POLN: variants seen among roughly 807,000 people sequenced by gnomAD.
POLN encodes the protein DNA polymerase nu.
In POLN, 108 loss-of-function variants were observed where a neutral mutation model predicts 113.5. The ratio of observed to expected loss-of-function variants is 0.95; its 90% confidence interval spans 0.81 to 1.12. POLN has a LOEUF of 1.12. Among genes scored for constraint, POLN ranks in the 50% most tolerant of loss-of-function variants. The pLI is 0.00. For missense variants in POLN, 1,097 were observed against 1,077.1 expected (o/e 1.02, Z -0.26); for synonymous variants, 386 against 391.5 (o/e 0.99, Z 0.17).
intron 7 of POLN, among the ~76,000 whole-genome samples, chr4:2,187,844 C>T (rs142266608): frequency 3.2e-4 from 48 of 152,288 alleles, no homozygotes; most frequent in African/African-American, 1.1e-3. Context: ...GGCTTGGTGG[C>T]TGACACCTGT....
intron 5 of POLN, among the ~76,000 whole-genome samples, chr4:2,201,303 A>AC (rs1733709070): frequency 1.4e-5 from 2 of 142,766 alleles, no homozygotes; most frequent in South Asian, 2.2e-4. Context: ...AAAAAAAAAA[A>AC]CGAGGGGAGA....
At chr4:2,222,050 A>G (rs998259246) in intron 3 of POLN, among the ~76,000 whole-genome samples, 3 of 152,224 alleles carry the variant, frequency 2.0e-5, no homozygotes, top group African/African-American at 7.2e-5. Flanking sequence ...TGTCATAGGC[A>G]TGTCCTTAAC....
At chr4:2,098,436 A>T (rs949465659) in intron 19 of POLN, among the ~76,000 whole-genome samples, 1 of 152,180 alleles carries the variant, frequency 6.6e-6, no homozygotes, top group Admixed American at 6.5e-5. Context: ...AAACAACTAC[A>T]TGACATTTTT....
At chr4:2,090,045 A>G (rs1275065548) in intron 20 of POLN, 3 of 890,430 alleles carry the variant, frequency 3.4e-6, no homozygotes, top group Non-Finnish European at 5.4e-6. Flanking sequence ...GAACTGAAGA[A>G]TTATGAGATA....
intron 4 of POLN, among the ~76,000 whole-genome samples, chr4:2,212,211 C>A (rs927013762): frequency 2.0e-5 from 3 of 152,172 alleles, no homozygotes; most frequent in African/African-American, 7.2e-5. Context: ...GGTGATACGA[C>A]CTCTCTGGCC....
At chr4:2,227,642 T>G (rs1243943699) in intron 3 of POLN, 1 of 152,216 alleles carries the variant, frequency 6.6e-6, no homozygotes, top group East Asian at 1.9e-4. Flanking sequence ...CGGGGTATTT[T>G]ATTTTCAGAG....
At chr4:2,099,871 C>G (rs898394300) in intron 19 of POLN, among the ~76,000 whole-genome samples, 4 of 151,806 alleles carry the variant, frequency 2.6e-5, no homozygotes, top group African/African-American at 9.7e-5. Flanking sequence ...AGTTCAAGAC[C>G]AGCCTGGGCA....
chr4:2,239,376 A>C (rs1734889469), intron 2 of POLN, among the ~76,000 whole-genome samples: 1 of 152,180 alleles, frequency 6.6e-6, no homozygotes, highest in Non-Finnish European at 1.5e-5. Context: ...TCTTAAGTTA[A>C]AATTACTTCA....
chr4:2,222,581 C>A (rs1031592963), intron 3 of POLN, among the ~76,000 whole-genome samples: 1 of 152,076 alleles, frequency 6.6e-6, no homozygotes, highest in African/African-American at 2.4e-5. Flanking sequence ...TCAAGTTTCT[C>A]TGGAGCAATC....
At chr4:2,086,754 C>T (rs566412731) in intron 20 of POLN, among the ~76,000 whole-genome samples, 4 of 152,188 alleles carry the variant, frequency 2.6e-5, no homozygotes, top group African/African-American at 9.7e-5. Context: ...GCCTGAGGAC[C>T]TGCCTTCCTG....
rs992858042 is a variant in POLN, at chr4:2,080,021, C to T, written c.2387+937G>A. 2.4e-5 allele frequency: 24 copies of T among 985,358 alleles called. No homozygotes were observed. The South Asian group carries it at 5.6e-4, about 23-fold the overall frequency. The allele number at this position is 985,358 out of a possible 1,614,324, so 61.0% of individuals were successfully genotyped here. On this transcript the variant is annotated intron_variant, in intron 23 of 25. Coordinates refer to ENST00000511885, the MANE Select transcript of POLN (RefSeq NM_181808.4). The stretch of plus-strand genomic sequence containing the variant: ...AGTGCTTAGACCCCCACGGGACTGT[C>T]GCCAAGAGCTTGAGGGCTCTTAGGG...
intron 23 of POLN, chr4:2,079,140 T>C (rs553333190): frequency 1.6e-5 from 3 of 182,656 alleles, no homozygotes; most frequent in South Asian, 3.7e-4. Flanking sequence ...AGGCAACACA[T>C]ATGTTGTTCA....
chr4:2,179,751 G>A (rs145965384), intron 7 of POLN, among the ~76,000 whole-genome samples: 39 of 152,236 alleles, frequency 2.6e-4, no homozygotes, highest in African/African-American at 7.0e-4. Flanking sequence ...TTGCAATTTG[G>A]ATCTCTCAAA....
intron 20 of POLN, 130 bp downstream of exon 20, chr4:2,095,721 T>C: frequency 1.3e-6 from 1 of 798,726 alleles, no homozygotes; most frequent in South Asian, 1.5e-5. Context: ...TGACTGCAGG[T>C]GTCATCAGAG....
rs1255150082 is a variant in POLN at position 2,072,008 on chromosome 4, C to A, written c.*106G>T. 1 of 1,315,560 alleles carries A rather than the reference C, an allele frequency of 7.6e-7. No homozygotes were observed. The highest frequency in any genetic ancestry group is 1.1e-6 in the Non-Finnish European group (1 of 909,752). The allele number at this position is 1,315,560 out of a possible 1,614,324, so 81.5% of individuals were successfully genotyped here. ...TCCAGGGGATGGCGGGCCACCCCAG[C>A]CCCAAAGGGTTAATGCGTCCTGGGG... is the stretch of plus-strand genomic sequence containing the variant. On this transcript the variant is annotated 3_prime_UTR_variant, in exon 26 of 26. Transcript: ENST00000511885.
chr4:2,230,466 T>A (rs190934118), intron 2 of POLN: 3 of 151,928 alleles, frequency 2.0e-5, no homozygotes, highest in East Asian at 1.9e-4. Flanking sequence ...GAAAAAAACA[T>A]ATACAACAAA....
chr4:2,152,270 T>G (rs1311377202), intron 16 of POLN, among the ~76,000 whole-genome samples: 3 of 151,480 alleles, frequency 2.0e-5, no homozygotes, highest in African/African-American at 7.3e-5. Context: ...ACTCCTGAGC[T>G]CAAGAGATCT....
chr4:2,186,326 A>G (rs1050656525), intron 7 of POLN, among the ~76,000 whole-genome samples: 2 of 152,212 alleles, frequency 1.3e-5, no homozygotes, highest in Non-Finnish European at 2.9e-5. Context: ...GGTAGAGACT[A>G]GCAGACACTC....
At chr4:2,203,738 C>T (rs1238239654) in intron 5 of POLN, among the ~76,000 whole-genome samples, 1 of 151,952 alleles carries the variant, frequency 6.6e-6, no homozygotes, top group Non-Finnish European at 1.5e-5. Flanking sequence ...CAAACCCAAA[C>T]CCAGCAGAAG....
Sources: allele counts gnomAD v4.1 joint callset (sites outside exome capture counted in the v4.1 genomes callset), GRCh38; gene constraint gnomAD v4.1.1; transcripts MANE v1.5; gene names NCBI Gene and HGNC (gene_info 2026-07-23, HGNC 2026-07-21).